The following TUBGCP3 variants were observed in gnomAD, a reference collection of about 807,000 sequenced individuals.
TUBGCP3 encodes gamma-tubulin complex component 3.
TUBGCP3 carries 50 observed loss-of-function variants against 123.1 expected under a neutral mutation model. The ratio of observed to expected loss-of-function variants is 0.41; its 90% CI spans 0.32 to 0.51. TUBGCP3 has a LOEUF of 0.51. TUBGCP3 is among the 20% of genes least tolerant of loss of function. TUBGCP3 has a pLI of 0.36. For missense variants in TUBGCP3, 882 were observed against 1,127.0 expected, an observed-to-expected ratio of 0.78 and a Z score of 3.11; for synonymous variants, 405 against 413.9, an observed-to-expected ratio of 0.98 and a Z score of 0.26.
At chr13:112,501,189 C>T (rs747519603) in intron 19 of TUBGCP3, among the ~76,000 whole-genome samples, 2 of 152,244 alleles carry the variant, frequency 1.3e-5, no homozygotes, top group Non-Finnish European at 2.9e-5. Context: ...TTCCATCTTA[C>T]AAGTTCTCAT....
intron 1 of TUBGCP3, among the ~76,000 whole-genome samples, chr13:112,583,700 T>G (rs995193945): frequency 6.6e-6 from 1 of 152,216 alleles, no homozygotes; most frequent in Non-Finnish European, 1.5e-5. Context: ...TGCGGAAAAG[T>G]TGAACTGTTT....
intron 17 of TUBGCP3, among the ~76,000 whole-genome samples, chr13:112,515,296 T>A (rs552400604): frequency 1.3e-5 from 2 of 152,184 alleles, no homozygotes; most frequent in Non-Finnish European, 2.9e-5. Flanking sequence ...AATGACAGCA[T>A]CGGTTTGGCC....
intron 11 of TUBGCP3, among the ~76,000 whole-genome samples, chr13:112,543,128 C>G (rs1294460664): frequency 6.6e-6 from 1 of 152,054 alleles, no homozygotes; most frequent in Admixed American, 6.6e-5. Context: ...CCAGCCTGGA[C>G]AACAAAGCGA....
the TUBGCP3 span, among the ~76,000 whole-genome samples, chr13:112,598,838 C>G: frequency 3.3e-5 from 5 of 151,396 alleles, no homozygotes; most frequent in Non-Finnish European, 5.9e-5. Context: ...CCCAGCTACT[C>G]AGGAGGCTGA....
In TUBGCP3 at chr13:112,485,898, C is replaced by G; in HGVS notation, c.*95G>C. 1 of 979,958 alleles carries G rather than the reference C, an allele frequency of 1.0e-6. No homozygotes were observed. The highest frequency in any genetic ancestry group is 1.5e-6 in the Non-Finnish European group (1 of 665,138). 60.7% of individuals were successfully genotyped at this position (979,958 alleles called of 1,614,324 possible). A position where few individuals can be genotyped will look rare whatever the true frequency, so the allele number is the denominator to read the frequency against. On this transcript the variant is annotated 3_prime_UTR_variant, in exon 22 of 22. Transcript: ENST00000261965. The stretch of plus-strand genomic sequence containing the variant: ...CACTCGTGGGCGGAAGGGCAGGACA[C>G]CTGCAGCATGCAGTTCCTGCAGGAC...
At chr13:112,512,427 C>CA (rs35550857) in intron 17 of TUBGCP3, among the ~76,000 whole-genome samples, 8,556 of 37,470 alleles carry the variant, frequency 0.23, 1,104 homozygotes, top group African/African-American at 0.4. Context: ...GACTCTGTCT[C>CA]AAAAAAAAAA....
At chr13:112,534,511 C>T (rs1877873755) in intron 11 of TUBGCP3, among the ~76,000 whole-genome samples, 1 of 152,142 alleles carries the variant, frequency 6.6e-6, no homozygotes, top group Admixed American at 6.5e-5. Context: ...CGCACCACTG[C>T]ACTCCAGCCT....
chr13:112,560,157 G>A (rs1285424123), intron 3 of TUBGCP3, among the ~76,000 whole-genome samples: 5 of 148,828 alleles, frequency 3.4e-5, no homozygotes, highest in South Asian at 2.1e-4. Context: ...AAGGCCGGGC[G>A]CGGTGGCTCA....
At position 112,488,592 on chromosome 13, in the gene TUBGCP3, C is replaced by T. The variant is rs186132132; in HGVS notation, c.2565+989G>A. Among the ~76,000 whole-genome samples, 98 of 151,208 alleles carry T rather than the reference C, an allele frequency of 6.5e-4. 1 individual carries two copies. Among genetic ancestry groups the T allele is most frequent in the Non-Finnish European group, 1.2e-3 (80 of 67,978 alleles). On this transcript the variant is annotated intron_variant, in intron 21 of 21. Coordinates refer to ENST00000261965, the MANE Select transcript of TUBGCP3 (RefSeq NM_006322.6). ...TCCCCACAATCCCACCACGGGGGAG[C>T]GCAGGGGCCACCCCCAGGTCCCCAC...
At chr13:112,503,552 G>C (rs1257564875) in intron 19 of TUBGCP3, among the ~76,000 whole-genome samples, 1 of 152,014 alleles carries the variant, frequency 6.6e-6, no homozygotes, top group East Asian at 1.9e-4. Context: ...ATTTTTAGTA[G>C]AGACAGGGTT....
rs772996669 is a variant in TUBGCP3, at chr13:112,587,969, C to A, written c.12G>T (p.Pro4=). 2 of 1,587,740 alleles carry A rather than the reference C, an allele frequency of 1.3e-6. No homozygotes were observed. Among genetic ancestry groups the A allele is most frequent in the African/African-American group, 1.4e-5 (1 of 72,334 alleles). The part of the protein sequence containing the change: MAT[P]DQKSPNVLLQ... Reference sequence around the variant, plus strand: ...GCAGAACGTTCGGCGACTTCTGGTCCGGGGTCGCCATCCTCGCCCGGAGCC... The same window carrying A: ...GCAGAACGTTCGGCGACTTCTGGTCAGGGGTCGCCATCCTCGCCCGGAGCC... The change falls in exon 1 of 22, where the codon CCG becomes CCT. Residue 4 remains proline (P), a synonymous_variant. Coordinates refer to ENST00000261965, the MANE Select transcript of TUBGCP3 (RefSeq NM_006322.6).
chr13:112,494,922 GT>G (rs1880428656), intron 20 of TUBGCP3, among the ~76,000 whole-genome samples: 2 of 152,194 alleles, frequency 1.3e-5, no homozygotes, highest in African/African-American at 2.4e-5. Flanking sequence ...AATTACTAGA[GT>G]TTTTTCCTGT....
intron 19 of TUBGCP3, among the ~76,000 whole-genome samples, chr13:112,502,383 TC>T (rs1880969525): frequency 6.6e-6 from 1 of 152,026 alleles, no homozygotes; most frequent in Non-Finnish European, 1.5e-5. Flanking sequence ...TACACTGACT[TC>T]CTAAACGTGT....
intron 11 of TUBGCP3, among the ~76,000 whole-genome samples, chr13:112,531,400 G>C (rs888756541): frequency 6.6e-6 from 1 of 152,188 alleles, no homozygotes; most frequent in African/African-American, 2.4e-5. Context: ...ACTTAACCTA[G>C]ACTTCAATTG....
intron 11 of TUBGCP3, among the ~76,000 whole-genome samples, chr13:112,533,352 C>T (rs1877749670): frequency 6.6e-6 from 1 of 152,214 alleles, no homozygotes; most frequent in Admixed American, 6.5e-5. Flanking sequence ...GCTCTCACAC[C>T]AGCGCCATGC....
chr13:112,600,018 T>C, the TUBGCP3 span, among the ~76,000 whole-genome samples: 2 of 152,164 alleles, frequency 1.3e-5, no homozygotes, highest in African/African-American at 2.4e-5. Flanking sequence ...TTAACTGAGG[T>C]CCACAGTTTG....
At chr13:112,549,760 C>A (rs904084011) in intron 8 of TUBGCP3, among the ~76,000 whole-genome samples, 2 of 151,784 alleles carry the variant, frequency 1.3e-5, no homozygotes, top group Non-Finnish European at 2.9e-5. Context: ...GAGGCCAAGG[C>A]GGGCGGATCA....
Position 112,558,239 on chromosome 13 carries a change from C to T in TUBGCP3, c.505G>A (p.Ala169Thr). ...SSGISSIGLC[A>T]LSGPAPAPQS... ...GGCGCAGGCGCGGGGCCACTGAGGGCACACAGGCCAATGCTGCTGATGCCA... is the reference window on the plus strand; with the variant it reads ...GGCGCAGGCGCGGGGCCACTGAGGGTACACAGGCCAATGCTGCTGATGCCA... The change falls in exon 5 of 22, where the codon GCC becomes ACC. Residue 169 changes from alanine (A) to threonine (T), a missense_variant. By Grantham distance (58) the Ala-to-Thr change is moderately conservative. Around this residue, in one of 3 missense-constraint regions of TUBGCP3, gnomAD observed 713 missense variants for 874.0 expected, o/e 0.82. Coordinates refer to ENST00000261965, the MANE Select transcript of TUBGCP3 (RefSeq NM_006322.6). 6.2e-7 allele frequency: 1 copy of T among 1,612,402 alleles called. No homozygotes were observed. Among genetic ancestry groups the T allele is most frequent in the Non-Finnish European group, 8.5e-7 (1 of 1,179,994 alleles).
rs1413117332 is a variant in TUBGCP3, at chr13:112,493,799, T to C, written c.2449-4102A>G. ...GGAACAGGGCCTGGTGTGCCTGAGA[T>C]GCTCTAGCTATGGGAACAGGGCCTG... On this transcript the variant is annotated intron_variant, in intron 20 of 21. Coordinates refer to ENST00000261965, the MANE Select transcript of TUBGCP3 (RefSeq NM_006322.6). Among the ~76,000 whole-genome samples the C allele has an allele frequency of 8.6e-3, 701 of 81,682 alleles. No homozygotes were observed. The Middle Eastern group carries it at 0.098, about 11-fold the overall frequency. 53.6% of individuals were successfully genotyped at this position (81,682 alleles called of 152,430 possible).
Sources: allele counts gnomAD v4.1 joint callset (sites outside exome capture counted in the v4.1 genomes callset), GRCh38; gene constraint gnomAD v4.1.1; regional missense constraint gnomAD v4.1.1; transcripts MANE v1.5; gene names NCBI Gene and HGNC (gene_info 2026-07-23, HGNC 2026-07-21).